Variants in PCDHA9 observed in about 807,000 individuals in gnomAD.
PCDHA9 encodes the protein protocadherin alpha 9.
A neutral mutation model predicts 62.0 loss-of-function variants in PCDHA9; 62 were observed. That is an observed-to-expected ratio of 1.00 (90% confidence interval 0.81 to 1.23). The LOEUF (loss-of-function observed/expected upper bound fraction) is 1.23, where lower values mean the gene tolerates loss of function less well. Among genes scored for constraint, PCDHA9 ranks in the 50% most tolerant of loss-of-function variants. The pLI is 0.00. For synonymous variants in PCDHA9, 557 were observed against 567.6 expected (o/e 0.98, Z 0.27); for missense variants, 1,205 against 1,249.8 (o/e 0.96, Z 0.54).
chr5:140,942,122 G>A (rs2093234713), intron 1 of PCDHA9, among the ~76,000 whole-genome samples: 1 of 152,064 alleles, frequency 6.6e-6, no homozygotes, highest in Non-Finnish European at 1.5e-5. Flanking sequence ...TTTATTAAAG[G>A]TGATATTTGT....
intron 1 of PCDHA9, among the ~76,000 whole-genome samples, chr5:140,855,336 A>AT (rs1438851451): frequency 6.7e-6 from 1 of 149,788 alleles, no homozygotes; most frequent in Non-Finnish European, 1.5e-5. Context: ...AGGTTAAACG[A>AT]TTTTCCCAAG....
At chr5:140,859,867 T>C (rs1265494119) in intron 1 of PCDHA9, 1 of 152,016 alleles carries the variant, frequency 6.6e-6, no homozygotes, top group Non-Finnish European at 1.5e-5. Flanking sequence ...AATATATACT[T>C]CCCCCTCTGA....
rs376462906 is a variant in PCDHA9, at chr5:140,873,767, TCTC to T, written c.2394+22881_2394+22883del. Among the ~76,000 whole-genome samples, 393 of 152,280 alleles carry T rather than the reference TCTC, an allele frequency of 2.6e-3. 1 individual carries two copies. The highest frequency in any genetic ancestry group is 9.2e-3 in the African/African-American group (382 of 41,558). On this transcript the variant is annotated intron_variant, in intron 1 of 3. Transcript: ENST00000532602. ...TCTCCACCTCCCATGTTCAAGCAAT[TCTC>T]CTGCCTCAGCTTTCCGAGAAGCTGG...
At chr5:140,929,421 A>G (rs2086144210) in intron 1 of PCDHA9, 2 of 1,502,092 alleles carry the variant, frequency 1.3e-6, no homozygotes, top group Non-Finnish European at 1.8e-6. Flanking sequence ...ACAACATTTC[A>G]TCAATTGAAC....
intron 3 of PCDHA9, among the ~76,000 whole-genome samples, chr5:140,999,427 G>A (rs1405186577): frequency 6.6e-6 from 1 of 152,172 alleles, no homozygotes; most frequent in Non-Finnish European, 1.5e-5. Flanking sequence ...AAGAGGCCAA[G>A]TACCTTGCCT....
intron 1 of PCDHA9, chr5:140,882,864 C>T (rs2059340057): frequency 6.2e-7 from 1 of 1,614,200 alleles, no homozygotes; most frequent in East Asian, 2.2e-5. Flanking sequence ...CTGAGGAAAA[C>T]ACTGGACAGA....
At chr5:140,968,167 A>C (rs782252124) in intron 1 of PCDHA9, 1 of 1,614,076 alleles carries the variant, frequency 6.2e-7, no homozygotes, top group Admixed American at 1.7e-5. Flanking sequence ...ACAATCCACC[A>C]AGCTTCCTGG....
intron 1 of PCDHA9, chr5:140,851,223 A>C: frequency 8.7e-7 from 1 of 1,147,456 alleles, no homozygotes; most frequent in Admixed American, 4.0e-5. Flanking sequence ...TAACATCACT[A>C]TCATTTATTT....
At chr5:140,966,845 C>A in intron 1 of PCDHA9, 1 of 1,570,444 alleles carries the variant, frequency 6.4e-7, no homozygotes, top group Non-Finnish European at 8.6e-7. Flanking sequence ...GCTGCTACTG[C>A]CTCTCCTGCT....
chr5:140,855,687 GA>G (rs1455055346), intron 1 of PCDHA9, among the ~76,000 whole-genome samples: 4 of 149,608 alleles, frequency 2.7e-5, no homozygotes, highest in Admixed American at 2.0e-4. Context: ...CTACATTTAA[GA>G]AAACATTGCA....
At chr5:140,876,042 AT>A in intron 1 of PCDHA9, 1 of 1,613,902 alleles carries the variant, frequency 6.2e-7, no homozygotes, top group Non-Finnish European at 8.5e-7. Flanking sequence ...ATAAAAGTAT[AT>A]TGCCTGAATT....
chr5:140,878,333 G>C (rs947043628), intron 1 of PCDHA9, among the ~76,000 whole-genome samples: 4 of 152,000 alleles, frequency 2.6e-5, no homozygotes, highest in Admixed American at 6.5e-5. Flanking sequence ...TATATTCCAG[G>C]TATTATCACA....
intron 1 of PCDHA9, among the ~76,000 whole-genome samples, chr5:140,934,564 A>T (rs2089922231): frequency 6.6e-6 from 1 of 152,076 alleles, no homozygotes; most frequent in African/African-American, 2.4e-5. Flanking sequence ...TCTTTTTTTT[A>T]ATTAATTGTA....
chr5:140,871,543 T>A (rs2053164172), intron 1 of PCDHA9: 2 of 1,503,536 alleles, frequency 1.3e-6, no homozygotes, highest in Non-Finnish European at 1.8e-6. Flanking sequence ...GTGAAATTAT[T>A]TAAAATCCAG....
intron 1 of PCDHA9, among the ~76,000 whole-genome samples, chr5:140,900,220 A>G (rs2067832167): frequency 6.6e-6 from 1 of 152,132 alleles, no homozygotes; most frequent in South Asian, 2.1e-4. Context: ...GTTGTTGCAA[A>G]TGACTGGATC....
intron 1 of PCDHA9, among the ~76,000 whole-genome samples, chr5:140,945,731 A>G (rs1021363337): frequency 2.6e-5 from 4 of 152,144 alleles, no homozygotes; most frequent in Non-Finnish European, 4.4e-5. Flanking sequence ...TACAATGGAA[A>G]AAGGACAGCC....
In PCDHA9 at chr5:141,010,127, T is replaced by A. The variant is rs1419190844; in HGVS notation, c.*190T>A. On this transcript the variant is annotated 3_prime_UTR_variant, in exon 4 of 4. Transcript: ENST00000532602. ...TTTGTCGTAAAAGCTTTACTAAGTC[T>A]GGTGTTAACTCTTTCTCTCCACTCT... The A allele has an allele frequency of 1.9e-6, 3 of 1,602,472 alleles. No individual in the cohort carries two copies. Among genetic ancestry groups the A allele is most frequent in the Non-Finnish European group, 2.6e-6 (3 of 1,173,756 alleles).
At chr5:140,982,683 T>C in intron 3 of PCDHA9, 120 bp downstream of exon 3, 2 of 1,424,800 alleles carry the variant, frequency 1.4e-6, no homozygotes, top group Non-Finnish European at 1.8e-6. Context: ...TATTCCCTTT[T>C]TTCCATACAT....
rs2066634766 is a variant in PCDHA9, at chr5:140,898,278, G to A, written c.2394+47389G>A. The stretch of plus-strand genomic sequence containing the variant: ...AAGTCCTTGCCCATGCCTAAGTTCT[G>A]AATGGTAATGCCTAGGTTTTCTTCT... On this transcript the variant is annotated intron_variant, in intron 1 of 3. Transcript: ENST00000532602. Among the ~76,000 whole-genome samples, 8 of 152,194 alleles carry A rather than the reference G, an allele frequency of 5.3e-5. No individual in the cohort carries two copies. The South Asian group carries it at 1.7e-3, about 31-fold the overall frequency.
Sources: gnomAD v4.1 joint callset for allele counts (sites outside exome capture counted in the v4.1 genomes callset) on GRCh38, gnomAD v4.1.1 for gene constraint, MANE v1.5 for transcripts, NCBI Gene and HGNC (gene_info 2026-07-23, HGNC 2026-07-21) for gene names.